The following TENM3 variants were observed in gnomAD, a reference collection of about 807,000 sequenced individuals.
TENM3 encodes the protein teneurin transmembrane protein 3.
Under a neutral mutation model 255.1 loss-of-function variants are expected in TENM3, and 63 were observed. That is an observed-to-expected ratio of 0.25 (90% CI 0.20 to 0.30). TENM3 has a LOEUF of 0.30. Among genes scored for constraint, TENM3 ranks in the 10% least tolerant of loss-of-function variants. The pLI, the probability that TENM3 is intolerant of heterozygous loss-of-function variation, is 1.00. For missense variants in TENM3, 2,929 were observed against 3,461.1 expected, an observed-to-expected ratio of 0.85 and a Z score of 3.86; for synonymous variants, 1,306 against 1,322.3, an observed-to-expected ratio of 0.99 and a Z score of 0.27.
At chr4:182,726,048 A>G (rs2152702856) in intron 13 of TENM3, among the ~76,000 whole-genome samples, 1 of 152,340 alleles carries the variant, frequency 6.6e-6, no homozygotes, top group South Asian at 2.1e-4. Context: ...AATACATGCT[A>G]TCATAAGGAA....
At chr4:181,461,765 C>T in the TENM3 span, among the ~76,000 whole-genome samples, 4 of 152,100 alleles carry the variant, frequency 2.6e-5, 1 homozygote, top group Non-Finnish European at 2.9e-5. Context: ...TTTTCTTCAA[C>T]ATCCTTGAGT....
intron 3 of TENM3, among the ~76,000 whole-genome samples, chr4:182,490,108 C>G (rs1580725748): frequency 6.6e-6 from 1 of 152,138 alleles, no homozygotes; most frequent in East Asian, 1.9e-4. Context: ...TCTTAATTCT[C>G]ACTATATTCC....
the TENM3 span, among the ~76,000 whole-genome samples, chr4:181,745,328 G>C: frequency 2.6e-5 from 4 of 151,878 alleles, no homozygotes; most frequent in African/African-American, 9.7e-5. Context: ...GAGAGAAATT[G>C]GGAAATGGAG....
At chr4:182,423,180 G>A (rs571901544) in intron 3 of TENM3, among the ~76,000 whole-genome samples, 1 of 152,092 alleles carries the variant, frequency 6.6e-6, no homozygotes, top group Non-Finnish European at 1.5e-5. Flanking sequence ...GTACGTGTGT[G>A]TATGAATTTT....
chr4:181,574,572 G>A, the TENM3 span, among the ~76,000 whole-genome samples: 41 of 152,204 alleles, frequency 2.7e-4, no homozygotes, highest in Middle Eastern at 3.4e-3. Flanking sequence ...AGTTTATCAG[G>A]ATATGATCAT....
At chr4:182,015,817 G>T in the TENM3 span, among the ~76,000 whole-genome samples, 3 of 151,966 alleles carry the variant, frequency 2.0e-5, no homozygotes, top group Non-Finnish European at 4.4e-5. Context: ...TCTCGGCTGG[G>T]ATTACAGGCG....
At chr4:182,109,716 C>T in the TENM3 span, among the ~76,000 whole-genome samples, 18 of 152,252 alleles carry the variant, frequency 1.2e-4, no homozygotes, top group South Asian at 3.3e-3. Context: ...CATTGTCCTC[C>T]GGACCTTGTA....
At chr4:181,497,768 C>T in the TENM3 span, among the ~76,000 whole-genome samples, 1 of 152,160 alleles carries the variant, frequency 6.6e-6, no homozygotes, top group Non-Finnish European at 1.5e-5. Context: ...CCGCAAACTA[C>T]TTCCCCACTT....
chr4:182,767,327 G>A (rs1763802048), intron 22 of TENM3, among the ~76,000 whole-genome samples: 1 of 152,176 alleles, frequency 6.6e-6, no homozygotes, highest in Non-Finnish European at 1.5e-5. Flanking sequence ...CAGGAAGGAC[G>A]ATCAAGGAGT....
intron 12 of TENM3, among the ~76,000 whole-genome samples, chr4:182,694,465 T>C (rs79485290): frequency 3.9e-5 from 6 of 152,184 alleles, no homozygotes; most frequent in African/African-American, 9.6e-5. Flanking sequence ...AGGATATTGA[T>C]GTATTTTTCT....
At chr4:181,759,517 T>C in the TENM3 span, among the ~76,000 whole-genome samples, 2 of 152,158 alleles carry the variant, frequency 1.3e-5, no homozygotes, top group Non-Finnish European at 2.9e-5. Context: ...AGGAGTATTA[T>C]GGAAGTGGAA....
chr4:181,473,713 A>G, the TENM3 span, among the ~76,000 whole-genome samples: 3 of 151,832 alleles, frequency 2.0e-5, no homozygotes, highest in Non-Finnish European at 2.9e-5. Context: ...TTTTCAATAT[A>G]TATCTCTAGC....
chr4:182,287,500 A>G (rs977172687), intron 1 of TENM3, among the ~76,000 whole-genome samples: 15 of 152,240 alleles, frequency 9.9e-5, no homozygotes, highest in Non-Finnish European at 2.1e-4. Flanking sequence ...CGGTTCAAAC[A>G]TCACTTCCTA....
intron 3 of TENM3, among the ~76,000 whole-genome samples, chr4:182,597,320 G>A (rs1581055350): frequency 6.6e-6 from 1 of 152,132 alleles, no homozygotes; most frequent in African/African-American, 2.4e-5. Context: ...GAGGCAGGAG[G>A]ATCACTTGAG....
intron 2 of TENM3, among the ~76,000 whole-genome samples, chr4:182,341,906 C>A (rs1057450208): frequency 1.1e-4 from 17 of 152,114 alleles, no homozygotes; most frequent in African/African-American, 3.6e-4. Context: ...ATTTCAATAC[C>A]AATGACCTAT....
chr4:182,321,586 AC>A lies in TENM3; in HGVS notation c.-75-2359del, dbSNP rs1385071061. On this transcript the variant is annotated intron_variant, in intron 1 of 27. Transcript: ENST00000511685. ...GGTTGCAGCAAGCCAAGATTGTGCC[AC>A]TGCACTCCAGACTGGGCAACAGAGC... Among the ~76,000 whole-genome samples, 4 of 152,234 alleles carry A rather than the reference AC, an allele frequency of 2.6e-5. No individual in the cohort carries two copies. In the South Asian group the frequency reaches 6.2e-4, roughly 24 times the overall value.
the TENM3 span, among the ~76,000 whole-genome samples, chr4:182,101,129 A>G: frequency 9.5e-6 from 1 of 105,210 alleles, no homozygotes; most frequent in African/African-American, 3.8e-5. Context: ...GAAGGAAAGA[A>G]GGAAGGAAGG....
the TENM3 span, among the ~76,000 whole-genome samples, chr4:181,715,427 G>A: frequency 4.6e-5 from 7 of 152,082 alleles, no homozygotes; most frequent in Non-Finnish European, 1.0e-4. Flanking sequence ...CTGAGATACA[G>A]GATAAATGCA....
At chr4:181,658,186 G>A in the TENM3 span, among the ~76,000 whole-genome samples, 1 of 152,044 alleles carries the variant, frequency 6.6e-6, no homozygotes, top group Non-Finnish European at 1.5e-5. Flanking sequence ...ACATGAGAAG[G>A]TCACTAGAAA....
Sources: allele counts gnomAD v4.1 joint callset (sites outside exome capture counted in the v4.1 genomes callset), GRCh38; gene constraint gnomAD v4.1.1; transcripts MANE v1.5; gene names NCBI Gene and HGNC (gene_info 2026-07-23, HGNC 2026-07-21).